Variants in STX18 observed in about 807,000 individuals in gnomAD.
STX18 encodes the protein syntaxin 18.
A neutral mutation model predicts 50.1 loss-of-function variants in STX18; 40 were observed. The ratio of observed to expected loss-of-function variants is 0.80; its 90% CI spans 0.62 to 1.04. STX18 has a LOEUF of 1.04. Among genes scored for constraint, STX18 ranks in the 50% least tolerant of loss-of-function variants. The pLI is 0.00. For synonymous variants in STX18, 158 were observed against 151.8 expected, an observed-to-expected ratio of 1.04 and a Z score of -0.30; for missense variants, 410 against 415.8, an observed-to-expected ratio of 0.99 and a Z score of 0.12.
intron 1 of STX18, among the ~76,000 whole-genome samples, chr4:4,493,164 C>T (rs1486059359): frequency 1.3e-5 from 2 of 152,146 alleles, no homozygotes; most frequent in African/African-American, 4.8e-5. Flanking sequence ...CAATCAAAGT[C>T]TTTGGAGAGG....
Position 4,447,569 on chromosome 4 carries a change from C to T in STX18, c.498-9060G>A, listed in dbSNP as rs1435052556. Among the ~76,000 whole-genome samples the T allele has an allele frequency of 2.4e-4, 27 of 112,230 alleles. No homozygotes were observed. The Admixed American group carries it at 3.2e-3, about 13-fold the overall frequency. The allele number at this position is 112,230 out of a possible 152,430, so 73.6% of individuals were successfully genotyped here. On this transcript the variant is annotated intron_variant, in intron 5 of 10. Transcript: ENST00000306200. ...TCGCGCCACTGCACTCCAGCCTGGG[C>T]GACAGAGCGAGACTCCGTCTCACAA...
At chr4:4,433,386 C>T (rs188982103) in intron 7 of STX18, among the ~76,000 whole-genome samples, 21 of 152,238 alleles carry the variant, frequency 1.4e-4, no homozygotes, top group East Asian at 9.7e-4. Context: ...AATTCCCCTG[C>T]GGAAGGCCGC....
At chr4:4,474,792 G>A (rs1393379545) in intron 1 of STX18, among the ~76,000 whole-genome samples, 1 of 152,154 alleles carries the variant, frequency 6.6e-6, no homozygotes, top group Non-Finnish European at 1.5e-5. Flanking sequence ...CTTCCTTAGA[G>A]CCTCCAGAAA....
At chr4:4,512,013 G>A (rs1370060553) in intron 1 of STX18, among the ~76,000 whole-genome samples, 2 of 151,990 alleles carry the variant, frequency 1.3e-5, no homozygotes, top group Non-Finnish European at 2.9e-5. Flanking sequence ...TCTGCTAGAT[G>A]CCAGTAGTAG....
At chr4:4,484,137 C>T (rs1466168873) in intron 1 of STX18, among the ~76,000 whole-genome samples, 2 of 152,208 alleles carry the variant, frequency 1.3e-5, no homozygotes, top group Non-Finnish European at 1.5e-5. Flanking sequence ...GCTGGGATTA[C>T]AGGTGTGAGC....
At chr4:4,457,677 A>G (rs901036002) in intron 3 of STX18, among the ~76,000 whole-genome samples, 177 bp from the exon 4 acceptor site, 10 of 152,266 alleles carry the variant, frequency 6.6e-5, no homozygotes, top group African/African-American at 2.4e-4. Context: ...CAGGCTTCGC[A>G]AGAGTGAAAG....
intron 1 of STX18, among the ~76,000 whole-genome samples, chr4:4,534,585 A>G (rs921692490): frequency 6.6e-6 from 1 of 152,188 alleles, no homozygotes; most frequent in Non-Finnish European, 1.5e-5. Context: ...TTAGCTCTCC[A>G]TGTCAGTCTT....
At chr4:4,469,061 TC>T (rs1348650382) in intron 2 of STX18, among the ~76,000 whole-genome samples, 1 of 152,158 alleles carries the variant, frequency 6.6e-6, no homozygotes, top group African/African-American at 2.4e-5. Flanking sequence ...CTATTTATAT[TC>T]CCCTTGAGGA....
At position 4,434,684 on chromosome 4, in the gene STX18, A is replaced by G; in HGVS notation, c.702+86T>C. On this transcript the variant is annotated intron_variant, in intron 7 of 10. Coordinates refer to ENST00000306200, the MANE Select transcript of STX18 (RefSeq NM_016930.4). ...AAAACTCAGTATAAAAATAAGGGCA[A>G]GGGCATTGAGGATGAGTTTCTCCTT... The G allele has an allele frequency of 2.3e-5, 24 of 1,057,078 alleles. 1 individual carries two copies. In the South Asian group the frequency reaches 3.4e-4, roughly 15 times the overall value. 65.5% of individuals were successfully genotyped at this position (1,057,078 alleles called of 1,614,324 possible).
At chr4:4,507,256 A>G in intron 1 of STX18, 2 of 686,476 alleles carry the variant, frequency 2.9e-6, no homozygotes, top group East Asian at 2.9e-5. Flanking sequence ...AGTGTACTAT[A>G]AAGAGTCCGG....
Position 4,425,196 on chromosome 4 carries a change from A to C in STX18, c.729T>G (p.Ile243Met), listed in dbSNP as rs141324067. ...CATCAAACAAGCTGTTCATTTCACC[A>C]ATTAGTCGCTGATTTTCCTGTTCAA... ...QMFEQENQRL[I>M]GEMNSLFDEV... Residue 243 changes from isoleucine (I) to methionine (M), a missense_variant, in exon 8 of 11, where the codon ATT (isoleucine) becomes ATG (methionine). Transcript: ENST00000306200. 7.2e-4 allele frequency: 1,159 copies of C among 1,614,126 alleles called. 2 individuals carry two copies. Among genetic ancestry groups the C allele is most frequent in the Non-Finnish European group, 9.2e-4 (1,080 of 1,179,976 alleles).
intron 7 of STX18, chr4:4,426,185 T>G (rs184076719): frequency 2.0e-5 from 3 of 152,380 alleles, no homozygotes; most frequent in Admixed American, 2.0e-4. Flanking sequence ...CAACGGTCCC[T>G]TTCTGCCTTG....
intron 2 of STX18, among the ~76,000 whole-genome samples, chr4:4,460,109 AC>A (rs1727300875): frequency 1.3e-5 from 2 of 151,856 alleles, no homozygotes; most frequent in African/African-American, 2.4e-5. Context: ...AAAGATACTT[AC>A]CCCACTCTAA....
chr4:4,421,324 CTTT>C (rs34959206), intron 9 of STX18, among the ~76,000 whole-genome samples: 1 of 146,510 alleles, frequency 6.8e-6, no homozygotes, highest in Non-Finnish European at 1.5e-5. Flanking sequence ...AGGACTGAGA[CTTT>C]TTTTTTTTTT....
At chr4:4,542,324 C>T (rs553124754), upstream of STX18, 198 of 198,548 alleles carry the variant, frequency 1.0e-3, no homozygotes, top group African/African-American at 3.7e-3. Context: ...TCCTTCCCTT[C>T]TGGCGGCTCC....
chr4:4,501,936 T>C (rs1415111791), intron 1 of STX18, among the ~76,000 whole-genome samples: 1 of 152,232 alleles, frequency 6.6e-6, no homozygotes, highest in Non-Finnish European at 1.5e-5. Context: ...TAAGGTTTCC[T>C]GGAGAAGTAT....
chr4:4,457,280 AAG>A (rs1436449516), intron 4 of STX18, 23 bp from the exon 5 acceptor site: 2 of 1,610,930 alleles, frequency 1.2e-6, no homozygotes, highest in East Asian at 2.2e-5. Context: ...AAAATACCAG[AAG>A]AGAGACTGCT....
rs768177933 is a variant in STX18 at position 4,438,416 on chromosome 4, G to A, written c.591C>T (p.Asn197=). Reference sequence around the variant, plus strand: ...TACCTGGACGTTCTTCAGTGGCAGGGTTTTCTTCAGAGTCTTTTGAAGGAC... The same window carrying A: ...TACCTGGACGTTCTTCAGTGGCAGGATTTTCTTCAGAGTCTTTTGAAGGAC... The part of the protein sequence containing the change: ...SQSPSKDSEE[N]PATEERPEKI... Residue 197 remains asparagine (N), a synonymous_variant, in exon 6 of 11, where the codon AAC becomes AAT. Transcript: ENST00000306200. 7 of 1,612,804 alleles carry A rather than the reference G, an allele frequency of 4.3e-6. No individual in the cohort carries two copies. The African/African-American group carries it at 5.3e-5, about 12-fold the overall frequency.
At chr4:4,436,208 T>C (rs926689560) in intron 6 of STX18, among the ~76,000 whole-genome samples, 1 of 152,338 alleles carries the variant, frequency 6.6e-6, no homozygotes, top group Non-Finnish European at 1.5e-5. Context: ...ATTAGAAATA[T>C]ATCTTTACAA....
Sources: allele counts gnomAD v4.1 joint callset (sites outside exome capture counted in the v4.1 genomes callset), GRCh38; gene constraint gnomAD v4.1.1; transcripts MANE v1.5; gene names NCBI Gene and HGNC (gene_info 2026-07-23, HGNC 2026-07-21).